Variants in ACSL5 observed in about 807,000 individuals in gnomAD.
The protein encoded by ACSL5 is acyl-CoA synthetase long chain family member 5.
In ACSL5, 50 loss-of-function variants were observed where a neutral mutation model predicts 84.9. The ratio of observed to expected loss-of-function variants is 0.59; its 90% confidence interval spans 0.47 to 0.75. The LOEUF (loss-of-function observed/expected upper bound fraction) is 0.75, where lower values mean the gene tolerates loss of function less well. Among genes scored for constraint, ACSL5 ranks in the 30% least tolerant of loss-of-function variants. The pLI is 0.00. For missense variants in ACSL5, 775 were observed against 830.4 expected, an observed-to-expected ratio of 0.93 and a Z score of 0.82; for synonymous variants, 280 against 300.7, an observed-to-expected ratio of 0.93 and a Z score of 0.71.
chr10:112,395,576 GC>G (rs1281866701), intron 2 of ACSL5, among the ~76,000 whole-genome samples: 2 of 152,262 alleles, frequency 1.3e-5, no homozygotes, highest in African/African-American at 4.8e-5. Context: ...GAACAATTAA[GC>G]CATTTCCTCC....
At chr10:112,413,104 C>A in intron 11 of ACSL5, 69 bp from the exon 12 acceptor site, 1 of 1,557,398 alleles carries the variant, frequency 6.4e-7, no homozygotes. Flanking sequence ...CTCCTGAATT[C>A]CTTCCAAGAC....
At chr10:112,381,326 G>A (rs1442443937) in intron 1 of ACSL5, among the ~76,000 whole-genome samples, 2 of 152,112 alleles carry the variant, frequency 1.3e-5, no homozygotes, top group African/African-American at 4.8e-5. Flanking sequence ...TCAGCACATG[G>A]CACAGTGCTG....
At chr10:112,409,249 A>G (rs1844120434) in intron 6 of ACSL5, 3 of 422,974 alleles carry the variant, frequency 7.1e-6, no homozygotes, top group African/African-American at 2.0e-5. Flanking sequence ...TGACTTCTTA[A>G]GCAGAAGGAA....
intron 2 of ACSL5, among the ~76,000 whole-genome samples, chr10:112,397,414 C>A (rs768034945): frequency 2.0e-5 from 3 of 152,146 alleles, no homozygotes; most frequent in Non-Finnish European, 2.9e-5. Flanking sequence ...AGATGATCCA[C>A]CTGCCTTGGC....
intron 17 of ACSL5, among the ~76,000 whole-genome samples, chr10:112,423,543 C>T (rs1483410976): frequency 6.6e-6 from 1 of 151,802 alleles, no homozygotes; most frequent in Non-Finnish European, 1.5e-5. Context: ...TTACAGAAGA[C>T]ACCAAGATGT....
At chr10:112,402,250 G>A (rs189624809) in intron 3 of ACSL5, among the ~76,000 whole-genome samples, 3 of 152,274 alleles carry the variant, frequency 2.0e-5, no homozygotes, top group Admixed American at 1.3e-4. Flanking sequence ...TTACAGGCAT[G>A]AGCCACTGTG....
chr10:112,380,175 C>T (rs1251055917), intron 1 of ACSL5, among the ~76,000 whole-genome samples: 1 of 152,198 alleles, frequency 6.6e-6, no homozygotes, highest in African/African-American at 2.4e-5. Context: ...TCAAGGTTGA[C>T]TCTATCGACC....
At chr10:112,380,746 T>C (rs1849333925) in intron 1 of ACSL5, among the ~76,000 whole-genome samples, 2 of 152,122 alleles carry the variant, frequency 1.3e-5, no homozygotes, top group Non-Finnish European at 2.9e-5. Flanking sequence ...ATCAGCTTGA[T>C]TGGTAGAATT....
intron 1 of ACSL5, among the ~76,000 whole-genome samples, chr10:112,381,528 G>T (rs1352408128): frequency 6.6e-6 from 1 of 152,036 alleles, no homozygotes; most frequent in Non-Finnish European, 1.5e-5. Flanking sequence ...AGCCGGATGT[G>T]ATGATGCATG....
intron 3 of ACSL5, among the ~76,000 whole-genome samples, chr10:112,399,319 G>A (rs1405279033): frequency 6.6e-6 from 1 of 152,100 alleles, no homozygotes; most frequent in Non-Finnish European, 1.5e-5. Flanking sequence ...TTGTTAAAGG[G>A]TCAAGGAGAT....
In ACSL5 at chr10:112,417,020, C is replaced by G. The variant is rs374002436; in HGVS notation, c.1216C>G (p.Gln406Glu). 1.2e-6 allele frequency: 2 copies of G among 1,613,372 alleles called. No homozygotes were observed. The highest frequency in any genetic ancestry group is 2.2e-5 in the East Asian group (1 of 44,856). Residue 406 changes from glutamine to glutamate, a missense_variant and splice_region_variant, in exon 13 of 21, where the codon CAG becomes GAG. Coordinates refer to ENST00000354655, the MANE Select transcript of ACSL5 (RefSeq NM_203379.2). ...GGACAAGCTCATCTTTGCAAAGATCCAGGTAGGTTGGGCAGGTCCTGGACT... is the reference window on the plus strand; with the variant it reads ...GGACAAGCTCATCTTTGCAAAGATCGAGGTAGGTTGGGCAGGTCCTGGACT... ...FWDKLIFAKI[Q>E]DSLGGRVRVI...
intron 12 of ACSL5, among the ~76,000 whole-genome samples, chr10:112,414,923 C>G (rs1028432127): frequency 6.6e-6 from 1 of 152,134 alleles, no homozygotes; most frequent in African/African-American, 2.4e-5. Context: ...AACCCTCCCC[C>G]ACCTCCCCAA....
At chr10:112,425,236 A>T (rs1844621858) in intron 17 of ACSL5, 102 bp from the exon 18 acceptor site, 2 of 1,087,296 alleles carry the variant, frequency 1.8e-6, no homozygotes, top group Non-Finnish European at 2.6e-6. Context: ...TCTCTGGAGA[A>T]ATCAGCTTTA....
chr10:112,419,781 C>A (rs940351876), intron 14 of ACSL5: 2 of 152,154 alleles, frequency 1.3e-5, no homozygotes, highest in Admixed American at 1.3e-4. Flanking sequence ...ACTAAATAAT[C>A]TTTTCTATTT....
At chr10:112,425,622 ATTC>A in intron 18 of ACSL5, 141 bp downstream of exon 18, 1 of 778,516 alleles carries the variant, frequency 1.3e-6, no homozygotes, top group Non-Finnish European at 1.9e-6. Context: ...ATGAAGTTAC[ATTC>A]CAAACCTCAA....
chr10:112,423,225 T>TAA (rs1844544267), intron 17 of ACSL5, among the ~76,000 whole-genome samples: 1 of 67,738 alleles, frequency 1.5e-5, no homozygotes, highest in African/African-American at 4.9e-5. Context: ...AAAAAAAATA[T>TAA]ATATATATAT....
At chr10:112,387,318 G>T (rs1199529153) in intron 1 of ACSL5, among the ~76,000 whole-genome samples, 1 of 152,186 alleles carries the variant, frequency 6.6e-6, no homozygotes, top group Non-Finnish European at 1.5e-5. Context: ...TGAGGAAATT[G>T]GGTGAAGGAT....
chr10:112,407,574 G>C (rs897960344), intron 5 of ACSL5, among the ~76,000 whole-genome samples: 2 of 151,824 alleles, frequency 1.3e-5, no homozygotes, highest in Admixed American at 6.6e-5. Flanking sequence ...ACAGTATGAG[G>C]GTAACCACCC....
chr10:112,401,848 C>A (rs555406303), intron 3 of ACSL5, among the ~76,000 whole-genome samples: 2 of 76,536 alleles, frequency 2.6e-5, no homozygotes, highest in Admixed American at 3.6e-4. Context: ...TTCTTCCTTC[C>A]TTCCTTCCTT....
Sources: gnomAD v4.1 joint callset for allele counts (sites outside exome capture counted in the v4.1 genomes callset) on GRCh38, gnomAD v4.1.1 for gene constraint, MANE v1.5 for transcripts, NCBI Gene and HGNC (gene_info 2026-07-23, HGNC 2026-07-21) for gene names.